Variants in BCAS3 observed in about 807,000 individuals in gnomAD.
BCAS3 encodes BCAS4/BCAS3 fusion.
BCAS3 carries 53 observed loss-of-function variants against 116.1 expected under a neutral mutation model. That is an observed-to-expected ratio of 0.46 (90% CI 0.37 to 0.57). The LOEUF is 0.57. Among genes scored for constraint, BCAS3 ranks in the 20% least tolerant of loss-of-function variants. BCAS3 has a pLI of 0.00. For synonymous variants in BCAS3, 391 were observed against 408.2 expected, an observed-to-expected ratio of 0.96 and a Z score of 0.51; for missense variants, 917 against 1,165.4, an observed-to-expected ratio of 0.79 and a Z score of 3.10.
chr17:60,979,618 T>C (rs2062657285), intron 14 of BCAS3, among the ~76,000 whole-genome samples: 1 of 148,744 alleles, frequency 6.7e-6, no homozygotes, highest in African/African-American at 2.5e-5. Flanking sequence ...TTCAGTATGA[T>C]ATTGGCTGTG....
chr17:61,234,242 G>C (rs371495106), intron 22 of BCAS3, among the ~76,000 whole-genome samples: 37 of 152,222 alleles, frequency 2.4e-4, no homozygotes, highest in East Asian at 1.5e-3. Flanking sequence ...TTCCCACTGA[G>C]TACTAGGATA....
intron 10 of BCAS3, among the ~76,000 whole-genome samples, chr17:60,894,791 A>C (rs1295829649): frequency 1.3e-5 from 2 of 152,128 alleles, no homozygotes; most frequent in African/African-American, 4.8e-5. Context: ...GTTGAATTTT[A>C]TTAAATGCTT....
intron 22 of BCAS3, among the ~76,000 whole-genome samples, chr17:61,267,632 A>T (rs1378576673): frequency 6.7e-6 from 1 of 149,008 alleles, no homozygotes; most frequent in African/African-American, 2.4e-5. Context: ...CCTGGATTAC[A>T]GGCACACATC....
At chr17:60,715,044 C>A (rs539491183) in intron 5 of BCAS3, among the ~76,000 whole-genome samples, 61 of 151,406 alleles carry the variant, frequency 4.0e-4, no homozygotes, top group Non-Finnish European at 8.1e-4. Context: ...TTAAAAAAAT[C>A]AAAATTATCT....
At position 61,130,257 on chromosome 17, in the gene BCAS3, A is replaced by G. The variant is rs2076259383; in HGVS notation, c.2425+45693A>G. 6.6e-6 allele frequency among the ~76,000 whole-genome samples: 1 copy of G among 152,224 alleles called. No individual in the cohort carries two copies. The highest frequency in any genetic ancestry group is 1.5e-5 in the Non-Finnish European group (1 of 68,044). On this transcript the variant is annotated intron_variant, in intron 22 of 23. Transcript: ENST00000407086. The surrounding 1 kb of genome is among the most constrained non-coding windows in gnomAD (Gnocchi z 5.0). ...TATTAATACTTAATAATAATTCCAC[A>G]AGTATTTCTCTCAATTCTAAATCCC... is the stretch of plus-strand genomic sequence containing the variant.
chr17:61,293,157 G>A (rs573880523), intron 22 of BCAS3, among the ~76,000 whole-genome samples: 19 of 152,222 alleles, frequency 1.2e-4, no homozygotes, highest in African/African-American at 3.6e-4. Context: ...CAGTATGTTC[G>A]TAAAAATTAT....
intron 10 of BCAS3, among the ~76,000 whole-genome samples, chr17:60,900,824 G>C (rs1462694964): frequency 2.0e-5 from 3 of 151,732 alleles, no homozygotes; most frequent in Non-Finnish European, 4.4e-5. Context: ...AGATACAAAT[G>C]TAATTTTCTG....
At chr17:61,045,873 ATAAATATATAT>A (rs1453982211) in intron 19 of BCAS3, among the ~76,000 whole-genome samples, 3 of 48,714 alleles carry the variant, frequency 6.2e-5, no homozygotes, top group African/African-American at 3.8e-4. Flanking sequence ...ATAAATATAT[ATAAATATATAT>A]TATATATATA....
intron 22 of BCAS3, among the ~76,000 whole-genome samples, chr17:61,287,034 G>C (rs2051869277): frequency 6.6e-6 from 1 of 151,508 alleles, no homozygotes; most frequent in Non-Finnish European, 1.5e-5. Flanking sequence ...GGATCACAAG[G>C]TCAGGAGATC....
In BCAS3 at chr17:61,281,235, T is replaced by A. The variant is rs927102183; in HGVS notation, c.2426-87092T>A. ...CCACAATTTATTTCACAATGCCTATTGTTGGATGTATAGATGGTCTTCAAT... is the reference window on the plus strand; with the variant it reads ...CCACAATTTATTTCACAATGCCTATAGTTGGATGTATAGATGGTCTTCAAT... On this transcript the variant is annotated intron_variant, in intron 22 of 23. Transcript: ENST00000407086. The surrounding 1 kb of genome is among the most constrained non-coding windows in gnomAD (Gnocchi z 4.2). Among the ~76,000 whole-genome samples, 1 of 152,262 alleles carries A rather than the reference T, an allele frequency of 6.6e-6. No homozygotes were observed. The highest frequency in any genetic ancestry group is 1.5e-5 in the Non-Finnish European group (1 of 68,046).
chr17:60,779,402 C>A (rs1304437539), intron 6 of BCAS3, among the ~76,000 whole-genome samples: 2 of 150,362 alleles, frequency 1.3e-5, no homozygotes, highest in African/African-American at 4.9e-5. Context: ...GGAGCTTTGC[C>A]CTTATTGCCC....
intron 19 of BCAS3, among the ~76,000 whole-genome samples, chr17:61,067,271 G>GTA (rs1473028118): frequency 0.031 from 1,704 of 54,880 alleles, 98 homozygotes; most frequent in African/African-American, 0.12. Context: ...ATGTGTGTAT[G>GTA]TGTATATATA....
Position 60,902,618 on chromosome 17 carries a change from A to G in BCAS3, c.739-2A>G. On this transcript the variant is annotated splice_acceptor_variant, in intron 10 of 23. Transcript: ENST00000407086. LOFTEE classifies it high-confidence loss of function. ...CTGCTTCTCTCTCTCTCTTTTTCTC[A>G]GTTGATTCGATGTCATCAGTCCCGT... The G allele has an allele frequency of 6.2e-7, 1 of 1,603,466 alleles. No homozygotes were observed. Among genetic ancestry groups the G allele is most frequent in the Non-Finnish European group, 8.5e-7 (1 of 1,170,536 alleles).
chr17:60,689,715 A>C lies in BCAS3; in HGVS notation c.168A>C (p.Glu56Asp). 2 of 1,608,834 alleles carry C rather than the reference A, an allele frequency of 1.2e-6. No homozygotes were observed. Among genetic ancestry groups the C allele is most frequent in the Non-Finnish European group, 1.7e-6 (2 of 1,175,600 alleles). ...QAYSGTPLTE[E>D]KEKIVWVRFE... ...ACAGTGGAACACCTCTAACAGAAGA[A>C]AAGGAGAAAATAGTCTGGGTCAGAT... is the stretch of plus-strand genomic sequence containing the variant. Residue 56 changes from glutamate to aspartate, a missense_variant, in exon 4 of 24, where the codon GAA (glutamate) becomes GAC (aspartate). Transcript: ENST00000407086.
intron 15 of BCAS3, among the ~76,000 whole-genome samples, chr17:61,015,136 G>A (rs1199051116): frequency 6.6e-6 from 1 of 152,166 alleles, no homozygotes; most frequent in Non-Finnish European, 1.5e-5. Context: ...GACAAGGTAT[G>A]GGGGAACTAG....
chr17:60,692,489 G>A (rs1053138200), intron 4 of BCAS3, among the ~76,000 whole-genome samples: 6 of 152,140 alleles, frequency 3.9e-5, no homozygotes, highest in Admixed American at 2.6e-4. Flanking sequence ...TGATCCGCCC[G>A]TCTTGGCCTC....
chr17:61,016,635 A>G (rs1347783576), intron 16 of BCAS3, among the ~76,000 whole-genome samples: 1 of 152,226 alleles, frequency 6.6e-6, no homozygotes. Flanking sequence ...ATATATGTCT[A>G]TAGGCAAATT....
chr17:60,698,995 T>C (rs112955630), intron 4 of BCAS3, among the ~76,000 whole-genome samples: 10,631 of 151,692 alleles, frequency 0.07, 1,234 homozygotes, highest in African/African-American at 0.24. Context: ...GAGGCAGAGG[T>C]TGCAGTGAGC....
Position 61,302,602 on chromosome 17 carries a change from A to T in BCAS3, c.2426-65725A>T, listed in dbSNP as rs2053539157. 6.6e-6 allele frequency among the ~76,000 whole-genome samples: 1 copy of T among 152,216 alleles called. No individual in the cohort carries two copies. Among genetic ancestry groups the T allele is most frequent in the African/African-American group, 2.4e-5 (1 of 41,454 alleles). ...TACTGACAATATAATTACAAGGTGC[A>T]TATCATTATTACTCCCATTTTCTTG... On this transcript the variant is annotated intron_variant, in intron 22 of 23. Transcript: ENST00000407086. This position sits in a 1 kb window ranked among gnomAD's most constrained non-coding sequence, Gnocchi z 4.4.
Sources: gnomAD v4.1 joint callset for allele counts (sites outside exome capture counted in the v4.1 genomes callset) on GRCh38, gnomAD v4.1.1 for gene constraint, Gnocchi (gnomAD v3.1) non-coding constraint, MANE v1.5 for transcripts, NCBI Gene and HGNC (gene_info 2026-07-23, HGNC 2026-07-21) for gene names.